Variants in KAZN observed in about 807,000 individuals in gnomAD.
The protein encoded by KAZN is kazrin, periplakin interacting protein, also known as kazrin.
A neutral mutation model predicts 87.4 loss-of-function variants in KAZN; 40 were observed. The observed-to-expected ratio is 0.46, with a 90% CI of 0.36 to 0.60. The LOEUF (loss-of-function observed/expected upper bound fraction) is 0.60, where lower values mean the gene tolerates loss of function less well. KAZN is among the 20% of genes least tolerant of loss of function. KAZN has a pLI of 0.00. For missense variants in KAZN, 898 were observed against 1,073.9 expected, an observed-to-expected ratio of 0.84 and a Z score of 2.29; for synonymous variants, 466 against 458.3, an observed-to-expected ratio of 1.02 and a Z score of -0.22.
chr1:14,138,793 T>C (rs181077322), intron 1 of KAZN, among the ~76,000 whole-genome samples: 3 of 152,280 alleles, frequency 2.0e-5, no homozygotes, highest in Admixed American at 2.0e-4. Flanking sequence ...CTCCCACTAG[T>C]GGAATGAATG....
At chr1:14,963,078 C>T (rs1216047610) in intron 2 of KAZN, among the ~76,000 whole-genome samples, 1 of 150,684 alleles carries the variant, frequency 6.6e-6, no homozygotes, top group Non-Finnish European at 1.5e-5. Flanking sequence ...ACATCCTCCT[C>T]CCTTTAGCCC....
intron 3 of KAZN, among the ~76,000 whole-genome samples, chr1:15,041,125 ATTTTTTT>A (rs376156652): frequency 7.2e-6 from 1 of 139,036 alleles, no homozygotes; most frequent in Admixed American, 7.3e-5. Flanking sequence ...GAATTTTTGT[ATTTTTTT>A]TTTTTTTTTA....
intron 1 of KAZN, among the ~76,000 whole-genome samples, chr1:14,629,674 T>C (rs928019659): frequency 6.6e-6 from 1 of 152,186 alleles, no homozygotes; most frequent in African/African-American, 2.4e-5. Context: ...TCACTCTGTC[T>C]AATCTTTGGG....
chr1:15,015,931 C>A (rs1670041808), intron 2 of KAZN, among the ~76,000 whole-genome samples: 1 of 152,184 alleles, frequency 6.6e-6, no homozygotes, highest in Non-Finnish European at 1.5e-5. Context: ...GGCAGGGCGC[C>A]CCCACTTAAC....
At chr1:14,166,357 A>ATG (rs1645827169) in intron 1 of KAZN, among the ~76,000 whole-genome samples, 1 of 152,202 alleles carries the variant, frequency 6.6e-6, no homozygotes, top group South Asian at 2.1e-4. Flanking sequence ...TAGTGATTTC[A>ATG]TGTGTGTAAG....
intron 2 of KAZN, among the ~76,000 whole-genome samples, chr1:14,277,964 C>T (rs1336981756): frequency 1.3e-5 from 2 of 151,932 alleles, no homozygotes; most frequent in Non-Finnish European, 2.9e-5. Flanking sequence ...CCTCTCCACC[C>T]TCACGTTTAT....
chr1:13,893,383 A>G (rs1638911869), exon 1 of KAZN: 2 of 304,706 alleles, frequency 6.6e-6, no homozygotes, highest in South Asian at 7.2e-5. Context: ...ACTCCTGGTT[A>G]GGGGGAAACT....
intron 2 of KAZN, among the ~76,000 whole-genome samples, chr1:14,513,335 G>A (rs1671018200): frequency 6.6e-6 from 1 of 152,152 alleles, no homozygotes; most frequent in Non-Finnish European, 1.5e-5. Flanking sequence ...AATTGCTCAA[G>A]TTACCGATAA....
At chr1:14,303,787 T>C (rs1420682206) in intron 2 of KAZN, among the ~76,000 whole-genome samples, 1 of 152,180 alleles carries the variant, frequency 6.6e-6, no homozygotes, top group Non-Finnish European at 1.5e-5. Context: ...ATCTCCAGCT[T>C]TCATTTGCTT....
At chr1:14,528,011 CT>C (rs1480168135) in intron 2 of KAZN, among the ~76,000 whole-genome samples, 3 of 140,918 alleles carry the variant, frequency 2.1e-5, no homozygotes, top group Non-Finnish European at 4.7e-5. Context: ...ATCTATCTAT[CT>C]ATCTATCTAT....
chr1:14,618,129 T>C (rs901606523), intron 1 of KAZN, among the ~76,000 whole-genome samples: 1 of 152,238 alleles, frequency 6.6e-6, no homozygotes, highest in Non-Finnish European at 1.5e-5. Context: ...TGCTGCGAGA[T>C]GGCAGCTGAG....
At chr1:14,514,377 T>TATATATTA (rs1671114409) in intron 2 of KAZN, among the ~76,000 whole-genome samples, 4 of 12,204 alleles carry the variant, frequency 3.3e-4, no homozygotes, top group African/African-American at 1.4e-3. Context: ...ATATATATAA[T>TATATATTA]ATATATATAT....
intron 1 of KAZN, among the ~76,000 whole-genome samples, chr1:13,920,243 CAAAAAAA>C (rs56221437): frequency 4.2e-5 from 3 of 71,816 alleles, no homozygotes; most frequent in African/African-American, 9.7e-5. Context: ...GACCCTGTCT[CAAAAAAA>C]AAAAAAAAAA....
chr1:14,596,243 C>T (rs1676499763), upstream of KAZN, among the ~76,000 whole-genome samples: 1 of 152,108 alleles, frequency 6.6e-6, no homozygotes, highest in Admixed American at 6.5e-5. Flanking sequence ...GACATATAAA[C>T]AGATAAATTA....
intron 1 of KAZN, among the ~76,000 whole-genome samples, chr1:13,913,218 A>C (rs960009180): frequency 1.3e-5 from 2 of 152,196 alleles, no homozygotes; most frequent in African/African-American, 4.8e-5. Flanking sequence ...GACAGACATC[A>C]GGAAGAAGTA....
At chr1:13,992,602 G>T (rs1404878892) in intron 1 of KAZN, among the ~76,000 whole-genome samples, 1 of 152,158 alleles carries the variant, frequency 6.6e-6, no homozygotes, top group Non-Finnish European at 1.5e-5. Context: ...AGGCTTGCAG[G>T]TTCCAGAATT....
At chr1:14,321,191 T>G (rs1029484255) in intron 2 of KAZN, among the ~76,000 whole-genome samples, 4 of 152,132 alleles carry the variant, frequency 2.6e-5, no homozygotes, top group African/African-American at 9.7e-5. Context: ...AAAATTTGGT[T>G]TGTCAAGGTG....
At chr1:15,046,778 G>A (rs1014386344) in intron 4 of KAZN, among the ~76,000 whole-genome samples, 5 of 152,222 alleles carry the variant, frequency 3.3e-5, no homozygotes, top group African/African-American at 4.8e-5. Flanking sequence ...GGTCCAGGGG[G>A]TTCCCACCAG....
At chr1:14,376,090 A>G (rs1424045009) in intron 2 of KAZN, among the ~76,000 whole-genome samples, 2 of 152,170 alleles carry the variant, frequency 1.3e-5, no homozygotes, top group African/African-American at 4.8e-5. Flanking sequence ...AGGAGTGTTC[A>G]TGGACCCAGC....
Sources: gnomAD v4.1 joint callset for allele counts (sites outside exome capture counted in the v4.1 genomes callset) on GRCh38, gnomAD v4.1.1 for gene constraint, MANE v1.5 for transcripts, NCBI Gene and HGNC (gene_info 2026-07-23, HGNC 2026-07-21) for gene names.